The following SBF2 variants were observed in gnomAD, a reference collection of about 807,000 sequenced individuals.
The protein encoded by SBF2 is myotubularin-related protein 13.
Under a neutral mutation model 225.2 loss-of-function variants are expected in SBF2, and 112 were observed. That is an observed-to-expected ratio of 0.50 (90% CI 0.43 to 0.58). SBF2 has a LOEUF of 0.58. Ranked by LOEUF, SBF2 falls within the 20% of genes least tolerant of loss-of-function variation. SBF2 has a pLI of 0.00. For missense variants in SBF2, 1,996 were observed against 2,206.2 expected, an observed-to-expected ratio of 0.90 and a Z score of 1.91; for synonymous variants, 763 against 773.3, an observed-to-expected ratio of 0.99 and a Z score of 0.22.
At chr11:9,801,319 TAAG>T (rs1244393521) in intron 32 of SBF2, among the ~76,000 whole-genome samples, 1 of 152,204 alleles carries the variant, frequency 6.6e-6, no homozygotes, top group Admixed American at 6.5e-5. Context: ...CACTTATTTA[TAAG>T]AAGAGAATCT....
chr11:10,256,516 G>A (rs977387061), intron 1 of SBF2, among the ~76,000 whole-genome samples: 4 of 152,162 alleles, frequency 2.6e-5, no homozygotes, highest in Admixed American at 6.5e-5. Context: ...AAGAAGAATG[G>A]CTTCATAACA....
intron 13 of SBF2, among the ~76,000 whole-genome samples, chr11:9,979,200 C>T (rs1012629005): frequency 6.6e-6 from 1 of 152,132 alleles, no homozygotes; most frequent in South Asian, 2.1e-4. Context: ...GATAATGACA[C>T]CTGCCTTACA....
In SBF2 at chr11:9,991,490, C is replaced by T. The variant is rs144197935; in HGVS notation, c.1296+925G>A. ...CAGAAGCAAAACATGATCACTGCCA[C>T]GATTCTCCAATATCTTGGGTTCTAG... On this transcript the variant is annotated intron_variant, in intron 12 of 39. Coordinates refer to ENST00000256190, the MANE Select transcript of SBF2 (RefSeq NM_030962.4). Among the ~76,000 whole-genome samples, 39 of 152,220 alleles carry T rather than the reference C, an allele frequency of 2.6e-4. No homozygotes were observed. The East Asian group carries it at 5.8e-3, about 23-fold the overall frequency.
At chr11:9,842,847 A>C in intron 24 of SBF2, 77 bp from the exon 25 acceptor site, 10 of 1,459,394 alleles carry the variant, frequency 6.9e-6, no homozygotes, top group Non-Finnish European at 9.6e-6. Flanking sequence ...TACTTAGCTC[A>C]AATTGTTTCT....
In SBF2 at chr11:10,079,202, C is replaced by T. The variant is rs117437193; in HGVS notation, c.142-36221G>A. 3.5e-3 allele frequency among the ~76,000 whole-genome samples: 527 copies of T among 152,176 alleles called. 5 individuals are homozygous for T. In the East Asian group the frequency reaches 0.05, roughly 15 times the overall value. ...TCAAAGAAACGCCGTAATTCTATAGCGATGGAGCCTAACAAAAAAGAAATC... is the reference window on the plus strand; with the variant it reads ...TCAAAGAAACGCCGTAATTCTATAGTGATGGAGCCTAACAAAAAAGAAATC... On this transcript the variant is annotated intron_variant, in intron 2 of 39. Transcript: ENST00000256190.
chr11:10,080,156 G>T (rs897698117), intron 2 of SBF2, among the ~76,000 whole-genome samples: 31 of 149,708 alleles, frequency 2.1e-4, no homozygotes, highest in Admixed American at 6.8e-5. Flanking sequence ...GCTGAGGCAG[G>T]AGAATTGCTT....
In SBF2 at chr11:10,068,295, C is replaced by G. The variant is rs980339920; in HGVS notation, c.142-25314G>C. ...GATTACAACTCACCCTTTCCTGAAT[C>G]CTCATTTTGGTCAGTTTGAGAAACA... On this transcript the variant is annotated intron_variant, in intron 2 of 39. Coordinates refer to ENST00000256190, the MANE Select transcript of SBF2 (RefSeq NM_030962.4). 4.6e-5 allele frequency among the ~76,000 whole-genome samples: 7 copies of G among 152,302 alleles called. No individual in the cohort carries two copies. The South Asian group carries it at 1.4e-3, about 32-fold the overall frequency.
At chr11:10,127,081 T>C (rs1421231505) in intron 2 of SBF2, among the ~76,000 whole-genome samples, 1 of 152,024 alleles carries the variant, frequency 6.6e-6, no homozygotes, top group Non-Finnish European at 1.5e-5. Context: ...GTGTTTCAGT[T>C]TCGGATGATG....
At chr11:10,082,517 C>T (rs960609079) in intron 2 of SBF2, among the ~76,000 whole-genome samples, 4 of 152,012 alleles carry the variant, frequency 2.6e-5, no homozygotes, top group Non-Finnish European at 4.4e-5. Context: ...TTCAACAGCA[C>T]GTCAAAAGGA....
At chr11:10,126,804 T>C (rs1335589645) in intron 2 of SBF2, among the ~76,000 whole-genome samples, 1 of 152,080 alleles carries the variant, frequency 6.6e-6, no homozygotes, top group Non-Finnish European at 1.5e-5. Flanking sequence ...AATGGATGAA[T>C]AGGTTAAACA....
rs374481815 is a variant in SBF2, at chr11:10,053,035, T to C, written c.142-10054A>G. 3.9e-5 allele frequency among the ~76,000 whole-genome samples: 6 copies of C among 152,282 alleles called. No individual in the cohort carries two copies. The East Asian group carries it at 1.2e-3, about 29-fold the overall frequency. ...TATGTATGTATGTGTGTGTGTGTATTTATCCAAAGGAGGGCATATTGTATA... is the reference window on the plus strand; with the variant it reads ...TATGTATGTATGTGTGTGTGTGTATCTATCCAAAGGAGGGCATATTGTATA... On this transcript the variant is annotated intron_variant, in intron 2 of 39. Coordinates refer to ENST00000256190, the MANE Select transcript of SBF2 (RefSeq NM_030962.4).
At chr11:9,816,243 C>T (rs983645648) in intron 29 of SBF2, among the ~76,000 whole-genome samples, 14 of 151,920 alleles carry the variant, frequency 9.2e-5, no homozygotes, top group Admixed American at 2.6e-4. Context: ...AGCTCTTTAG[C>T]GCAACAATTT....
chr11:9,922,840 C>T (rs1391698573), intron 16 of SBF2, among the ~76,000 whole-genome samples: 1 of 152,136 alleles, frequency 6.6e-6, no homozygotes, highest in African/African-American at 2.4e-5. Context: ...CCAGATACTC[C>T]CTACAGAGCA....
intron 2 of SBF2, among the ~76,000 whole-genome samples, chr11:10,138,562 T>C (rs1954495244): frequency 6.6e-6 from 1 of 152,002 alleles, no homozygotes; most frequent in Non-Finnish European, 1.5e-5. Context: ...AGATGATCAA[T>C]TTTAGACTTT....
intron 1 of SBF2, among the ~76,000 whole-genome samples, chr11:10,236,258 C>A (rs897040245): frequency 6.6e-6 from 1 of 152,214 alleles, no homozygotes; most frequent in South Asian, 2.1e-4. Flanking sequence ...TTGAGACTAG[C>A]CTGGGCAACA....
At chr11:10,235,657 T>C (rs1959041108) in intron 1 of SBF2, among the ~76,000 whole-genome samples, 1 of 152,206 alleles carries the variant, frequency 6.6e-6, no homozygotes, top group African/African-American at 2.4e-5. Context: ...TTCAAACGTT[T>C]CTATAGTTCA....
intron 2 of SBF2, among the ~76,000 whole-genome samples, chr11:10,063,274 T>C (rs1156232621): frequency 1.3e-5 from 2 of 151,690 alleles, no homozygotes; most frequent in African/African-American, 2.4e-5. Flanking sequence ...CCCCGACACA[T>C]GTTTATCTAT....
chr11:9,942,800 A>C (rs11042564), intron 16 of SBF2, among the ~76,000 whole-genome samples: 76,249 of 150,508 alleles, frequency 0.51, 19,762 homozygotes, highest in Admixed American at 0.6. Context: ...CACTGCACTG[A>C]AGCCTGGGCG....
chr11:9,924,364 G>A (rs1863864675), intron 16 of SBF2, among the ~76,000 whole-genome samples: 1 of 152,182 alleles, frequency 6.6e-6, no homozygotes, highest in Non-Finnish European at 1.5e-5. Context: ...TTCTGAGCAT[G>A]TTTAAAGTAT....
Sources: gnomAD v4.1 joint callset for allele counts (sites outside exome capture counted in the v4.1 genomes callset) on GRCh38, gnomAD v4.1.1 for gene constraint, MANE v1.5 for transcripts, NCBI Gene and HGNC (gene_info 2026-07-23, HGNC 2026-07-21) for gene names.